The following LTN1 variants were observed in gnomAD, a reference collection of about 807,000 sequenced individuals.
The protein encoded by LTN1 is E3 ubiquitin-protein ligase listerin.
A neutral mutation model predicts 201.2 loss-of-function variants in LTN1; 88 were observed. The ratio of observed to expected loss-of-function variants is 0.44; its 90% CI spans 0.37 to 0.52. The LOEUF is 0.52. Ranked by LOEUF, LTN1 falls within the 20% of genes least tolerant of loss-of-function variation. The pLI, the probability that LTN1 is intolerant of heterozygous loss-of-function variation, is 0.00. For missense variants in LTN1, 1,752 were observed against 2,038.7 expected (o/e 0.86, Z 2.71); for synonymous variants, 645 against 713.5 (o/e 0.90, Z 1.53).
chr21:28,954,402 T>C (rs1217665039), intron 16 of LTN1, among the ~76,000 whole-genome samples: 1 of 152,174 alleles, frequency 6.6e-6, no homozygotes, highest in Non-Finnish European at 1.5e-5. Flanking sequence ...TAAAAGTCAC[T>C]CCACCACCTA....
intron 25 of LTN1, among the ~76,000 whole-genome samples, chr21:28,938,417 A>T (rs141666658): frequency 0.046 from 7,027 of 152,300 alleles, 224 homozygotes; most frequent in Middle Eastern, 0.12. Context: ...TAACTTTTTT[A>T]TCTAAAAGAG....
At position 28,959,614 on chromosome 21, in the gene LTN1, C is replaced by CT. The variant is rs752537117; in HGVS notation, c.2436dup (p.Ala813SerfsTer2). 6.2e-7 allele frequency: 1 copy of CT among 1,613,990 alleles called. No homozygotes were observed. The highest frequency in any genetic ancestry group is 8.5e-7 in the Non-Finnish European group (1 of 1,179,942). On this transcript the variant is annotated frameshift_variant, in exon 13 of 30. Transcript: ENST00000361371. LOFTEE classifies it high-confidence loss of function. ...GACACTGATGAGTCACTGCTTTCAG[C>CT]TTCTGATAATTTCTTTGTTTTGAAT...
In LTN1 at chr21:28,932,690, T is replaced by C. The variant is rs568515586; in HGVS notation, c.4876-26A>G. On this transcript the variant is annotated intron_variant, in intron 27 of 29. Coordinates refer to ENST00000361371, the MANE Select transcript of LTN1 (RefSeq NM_015565.3). ...CTGCAATACAACAAAGGATATTTTGTTTGCCAAATTTCTGTCTTTCAACCA... is the reference window on the plus strand; with the variant it reads ...CTGCAATACAACAAAGGATATTTTGCTTGCCAAATTTCTGTCTTTCAACCA... 5 of 1,530,162 alleles carry C rather than the reference T, an allele frequency of 3.3e-6. No homozygotes were observed. In the East Asian group the frequency reaches 1.1e-4, roughly 35 times the overall value. 94.8% of individuals were successfully genotyped at this position (1,530,162 alleles called of 1,614,324 possible).
chr21:28,966,286 G>T, intron 10 of LTN1, 84 bp downstream of exon 10: 1 of 1,191,490 alleles, frequency 8.4e-7, no homozygotes, highest in Non-Finnish European at 1.2e-6. Flanking sequence ...CACTCACAGT[G>T]AAGAAACAAC....
chr21:28,947,334 C>T (rs1387452787), intron 19 of LTN1, 130 bp downstream of exon 19: 5 of 703,294 alleles, frequency 7.1e-6, no homozygotes, highest in Non-Finnish European at 1.1e-5. Context: ...CAACACTCAT[C>T]CATATAATCT....
At chr21:28,951,256 T>C (rs1057357670) in intron 18 of LTN1, among the ~76,000 whole-genome samples, 3 of 152,252 alleles carry the variant, frequency 2.0e-5, no homozygotes, top group Non-Finnish European at 4.4e-5. Context: ...AAAATTTAAT[T>C]TAGAATTCTA....
chr21:28,947,684 T>G lies in LTN1; in HGVS notation c.3345-78A>C, dbSNP rs193032785. 933 of 842,778 alleles carry G rather than the reference T, an allele frequency of 1.1e-3. 3 individuals are homozygous for G. The African/African-American group carries it at 0.015, about 13-fold the overall frequency. The allele number at this position is 842,778 out of a possible 1,614,324, so 52.2% of individuals were successfully genotyped here. ...TTTTATATATTTCTTTTATTTAGACTACTGAAAAAGATAGATGAATAATTC... is the reference window on the plus strand; with the variant it reads ...TTTTATATATTTCTTTTATTTAGACGACTGAAAAAGATAGATGAATAATTC... On this transcript the variant is annotated intron_variant, in intron 18 of 29. Coordinates refer to ENST00000361371, the MANE Select transcript of LTN1 (RefSeq NM_015565.3).
intron 18 of LTN1, among the ~76,000 whole-genome samples, 161 bp from the exon 19 acceptor site, chr21:28,947,767 T>C (rs1224967915): frequency 2.0e-5 from 3 of 151,988 alleles, no homozygotes; most frequent in Admixed American, 6.6e-5. Context: ...GCTGACTTGA[T>C]GAAATTGGTT....
chr21:28,940,836 C>T (rs2084291470), intron 25 of LTN1, among the ~76,000 whole-genome samples: 1 of 152,032 alleles, frequency 6.6e-6, no homozygotes, highest in Non-Finnish European at 1.5e-5. Context: ...GCCTGTAATC[C>T]CAGCATTTTG....
intron 27 of LTN1, among the ~76,000 whole-genome samples, chr21:28,934,863 A>G (rs1601161577): frequency 1.3e-5 from 2 of 152,170 alleles, no homozygotes; most frequent in African/African-American, 4.8e-5. Flanking sequence ...CAATCCACGC[A>G]TGAAGTAATG....
At chr21:28,977,958 T>C (rs147338408) in intron 6 of LTN1, among the ~76,000 whole-genome samples, 2,088 of 151,242 alleles carry the variant, frequency 0.014, 48 homozygotes, top group African/African-American at 0.048. Context: ...CATAATGTCA[T>C]ACTGACAGTG....
At chr21:28,984,054 T>G (rs577681831) in intron 4 of LTN1, among the ~76,000 whole-genome samples, 5 of 152,170 alleles carry the variant, frequency 3.3e-5, no homozygotes, top group Middle Eastern at 6.8e-3. Flanking sequence ...AAAATGGGAG[T>G]ATAAATTTGT....
rs1294502193 is a variant in LTN1 at position 28,929,159 on chromosome 21, AT to A, written c.*1288del. On this transcript the variant is annotated 3_prime_UTR_variant, in exon 30 of 30. Coordinates refer to ENST00000361371, the MANE Select transcript of LTN1 (RefSeq NM_015565.3). ...CAACTATAATCCTCTGACCACATTC[AT>A]ACTATTTCAATAGTCATTTTACCCA... 6.6e-6 allele frequency: 1 copy of A among 152,566 alleles called. No individual in the cohort carries two copies. Among genetic ancestry groups the A allele is most frequent in the Non-Finnish European group, 1.5e-5 (1 of 68,006 alleles). The allele number at this position is 152,566 out of a possible 1,614,324, so 9.5% of individuals were successfully genotyped here. A position where few individuals can be genotyped will look rare whatever the true frequency, so the allele number is the denominator to read the frequency against.
At chr21:28,934,642 A>G (rs1487757506) in intron 27 of LTN1, among the ~76,000 whole-genome samples, 1 of 152,130 alleles carries the variant, frequency 6.6e-6, no homozygotes, top group Non-Finnish European at 1.5e-5. Context: ...TTTTTAGTAG[A>G]GATGGGGTTT....
At chr21:28,990,304 A>G (rs1259102014) in intron 1 of LTN1, among the ~76,000 whole-genome samples, 1 of 152,224 alleles carries the variant, frequency 6.6e-6, no homozygotes, top group Non-Finnish European at 1.5e-5. Context: ...ACTTTGCCAC[A>G]TTAAAGTTAA....
chr21:28,978,038 A>AT (rs368028457), intron 6 of LTN1, among the ~76,000 whole-genome samples: 34 of 148,240 alleles, frequency 2.3e-4, no homozygotes, highest in Non-Finnish European at 3.1e-4. Flanking sequence ...TGAATGTATG[A>AT]TTTTTTTTTT....
At chr21:28,933,837 T>C (rs2705652) in intron 27 of LTN1, among the ~76,000 whole-genome samples, 79,507 of 151,800 alleles carry the variant, frequency 0.52, 22,857 homozygotes, top group East Asian at 0.82. Flanking sequence ...CCACCACACC[T>C]GGCTAATTTT....
At chr21:28,967,211 A>G (rs377434933) in intron 9 of LTN1, 32 bp from the exon 10 acceptor site, 1 of 1,497,610 alleles carries the variant, frequency 6.7e-7, no homozygotes, top group Non-Finnish European at 9.1e-7. Context: ...CATAAAATAT[A>G]TATTTGGTCT....
intron 21 of LTN1, 29 bp downstream of exon 21, chr21:28,945,778 A>G: frequency 2.5e-6 from 4 of 1,593,426 alleles, no homozygotes; most frequent in South Asian, 1.1e-5. Context: ...AAAACCCACA[A>G]GAGGTGATGA....
Sources: allele counts gnomAD v4.1 joint callset (sites outside exome capture counted in the v4.1 genomes callset), GRCh38; gene constraint gnomAD v4.1.1; transcripts MANE v1.5; gene names NCBI Gene and HGNC (gene_info 2026-07-23, HGNC 2026-07-21).